SGK1: variants seen among roughly 807,000 people sequenced by gnomAD.
SGK1 encodes the protein serine/threonine-protein kinase Sgk1.
In SGK1, 26 loss-of-function variants were observed where a neutral mutation model predicts 64.2. That is an observed-to-expected ratio of 0.40 (90% CI 0.30 to 0.56). The LOEUF (loss-of-function observed/expected upper bound fraction) is 0.56, where lower values mean the gene tolerates loss of function less well. Ranked by LOEUF, SGK1 falls within the 20% of genes least tolerant of loss-of-function variation. SGK1 has a pLI of 0.38. For missense variants in SGK1, 519 were observed against 645.6 expected, an observed-to-expected ratio of 0.80 and a Z score of 2.12; for synonymous variants, 265 against 239.7, an observed-to-expected ratio of 1.11 and a Z score of -0.98.
chr6:134,266,798 C>T (rs977975081), intron 1 of SGK1, among the ~76,000 whole-genome samples: 15 of 152,082 alleles, frequency 9.9e-5, no homozygotes, highest in Admixed American at 6.6e-4. Context: ...TAGAATGTAT[C>T]TTCTTAATGT....
At position 134,307,344 on chromosome 6, in the gene SGK1, C is replaced by T. The variant is rs77507412; in HGVS notation, c.69+10048G>A. Among the ~76,000 whole-genome samples the T allele has an allele frequency of 4.1e-3, 632 of 152,312 alleles. 6 individuals are homozygous for T. Among genetic ancestry groups the T allele is most frequent in the African/African-American group, 0.015 (605 of 41,552 alleles). ...AATGAGTGCCAAGTCCTGGTTGTTTCTACGTAACATTTAATCTTTGAAGGC... is the reference window on the plus strand; with the variant it reads ...AATGAGTGCCAAGTCCTGGTTGTTTTTACGTAACATTTAATCTTTGAAGGC... On this transcript the variant is annotated intron_variant, in intron 1 of 13. Coordinates refer to ENST00000367858, the MANE Select transcript of SGK1 (RefSeq NM_001143676.3).
intron 1 of SGK1, among the ~76,000 whole-genome samples, chr6:134,302,669 G>A (rs994239675): frequency 6.6e-6 from 1 of 152,122 alleles, no homozygotes; most frequent in Non-Finnish European, 1.5e-5. Flanking sequence ...TGCTTAGTGC[G>A]TACCAGGCAT....
intron 1 of SGK1, among the ~76,000 whole-genome samples, chr6:134,308,846 C>T (rs1157163595): frequency 1.3e-5 from 2 of 152,142 alleles, no homozygotes; most frequent in African/African-American, 2.4e-5. Context: ...CGTTTGCTAC[C>T]GTGCCCGGCA....
At chr6:134,295,800 A>C (rs1777339806) in intron 1 of SGK1, among the ~76,000 whole-genome samples, 1 of 152,106 alleles carries the variant, frequency 6.6e-6, no homozygotes, top group East Asian at 1.9e-4. Flanking sequence ...AGAGGCCATT[A>C]AAAAGATGGT....
At chr6:134,190,921 C>T (rs1775500314) in intron 3 of SGK1, among the ~76,000 whole-genome samples, 1 of 152,202 alleles carries the variant, frequency 6.6e-6, no homozygotes, top group Admixed American at 6.5e-5. Flanking sequence ...CATGATACTA[C>T]TGAATCTGAG....
chr6:134,171,217 G>A, intron 11 of SGK1, 39 bp from the exon 12 acceptor site: 1 of 1,589,232 alleles, frequency 6.3e-7, no homozygotes, highest in Non-Finnish European at 8.6e-7. Flanking sequence ...TTAATTGGAA[G>A]TTTCATATGG....
intron 3 of SGK1, among the ~76,000 whole-genome samples, chr6:134,199,957 T>A (rs1775656057): frequency 6.6e-6 from 1 of 152,136 alleles, no homozygotes; most frequent in African/African-American, 2.4e-5. Context: ...CATTATCTGG[T>A]TTTCTCTAAG....
intron 2 of SGK1, among the ~76,000 whole-genome samples, chr6:134,223,143 C>A (rs557271733): frequency 1.3e-5 from 2 of 151,814 alleles, no homozygotes; most frequent in Admixed American, 6.6e-5. Flanking sequence ...CTGAGGTGGG[C>A]GGATCACCTG....
At chr6:134,297,435 G>A in intron 1 of SGK1, 1 of 691,130 alleles carries the variant, frequency 1.4e-6, no homozygotes, top group Non-Finnish European at 2.7e-6. Flanking sequence ...AGTCTCCAGG[G>A]AAGCCCTCTG....
At chr6:134,258,950 T>G (rs1376462518) in intron 2 of SGK1, among the ~76,000 whole-genome samples, 11 of 152,130 alleles carry the variant, frequency 7.2e-5, no homozygotes, top group Non-Finnish European at 7.4e-5. Flanking sequence ...ATTGCACCAC[T>G]ACACTCTAGC....
rs186456807 is a variant in SGK1, at chr6:134,244,840, A to G, written c.285+17093T>C. On this transcript the variant is annotated intron_variant, in intron 2 of 13. Coordinates refer to ENST00000367858, the MANE Select transcript of SGK1 (RefSeq NM_001143676.3). ...GCCCAGGCTGGAGTGCAATGGCGCAATCTTGGCTCACTGCAACCTCTGCCT... is the reference window on the plus strand; with the variant it reads ...GCCCAGGCTGGAGTGCAATGGCGCAGTCTTGGCTCACTGCAACCTCTGCCT... Among the ~76,000 whole-genome samples the G allele has an allele frequency of 2.6e-5, 4 of 152,326 alleles. No homozygotes were observed. In the East Asian group the frequency reaches 5.8e-4, roughly 22 times the overall value.
At chr6:134,174,937 T>G (rs565277668) in intron 3 of SGK1, 203 of 1,487,810 alleles carry the variant, frequency 1.4e-4, no homozygotes, top group Non-Finnish European at 1.7e-4. Flanking sequence ...CAGTGAGAAG[T>G]GGCCCCGCCC....
intron 1 of SGK1, among the ~76,000 whole-genome samples, chr6:134,274,779 C>T (rs1776994783): frequency 6.7e-6 from 1 of 148,944 alleles, no homozygotes; most frequent in Non-Finnish European, 1.5e-5. Flanking sequence ...AATGGTATTG[C>T]CCTTTTAGTC....
At chr6:134,311,655 C>T (rs373128898) in intron 1 of SGK1, among the ~76,000 whole-genome samples, 2 of 151,906 alleles carry the variant, frequency 1.3e-5, no homozygotes, top group Non-Finnish European at 2.9e-5. Context: ...TATGAAAAAA[C>T]AACAAAACAA....
At chr6:134,205,775 ACTC>A (rs1273019779) in intron 3 of SGK1, among the ~76,000 whole-genome samples, 2 of 152,218 alleles carry the variant, frequency 1.3e-5, no homozygotes, top group Admixed American at 1.3e-4. Flanking sequence ...TTCTGTGAAT[ACTC>A]CTTGTAAAAG....
chr6:134,236,538 G>A (rs1347274209), intron 2 of SGK1, among the ~76,000 whole-genome samples: 1 of 151,958 alleles, frequency 6.6e-6, no homozygotes, highest in African/African-American at 2.4e-5. Flanking sequence ...GAGATGGGAG[G>A]ATCACCTGAG....
intron 1 of SGK1, among the ~76,000 whole-genome samples, chr6:134,289,158 A>C (rs1366975788): frequency 6.6e-6 from 1 of 152,162 alleles, no homozygotes; most frequent in Admixed American, 6.5e-5. Context: ...CACATGTTCC[A>C]TACCTTTAGC....
intron 1 of SGK1, among the ~76,000 whole-genome samples, chr6:134,287,311 A>G (rs1382272812): frequency 6.6e-6 from 1 of 152,114 alleles, no homozygotes; most frequent in African/African-American, 2.4e-5. Flanking sequence ...GTTTTGTAAA[A>G]TTATGTTGGC....
chr6:134,206,373 ATATATATATATTT>A (rs1247030635), intron 3 of SGK1, among the ~76,000 whole-genome samples: 1 of 4,478 alleles, frequency 2.2e-4, no homozygotes, highest in African/African-American at 5.8e-4. Flanking sequence ...ATATATATAT[ATATATATATATTT>A]TTTTTTTTTT....
Sources: allele counts gnomAD v4.1 joint callset (sites outside exome capture counted in the v4.1 genomes callset), GRCh38; gene constraint gnomAD v4.1.1; transcripts MANE v1.5; gene names NCBI Gene and HGNC (gene_info 2026-07-23, HGNC 2026-07-21).